The following CEP83 variants were observed in gnomAD, a reference collection of about 807,000 sequenced individuals.
CEP83 encodes the protein centrosomal protein 83, also known as centrosomal protein of 83 kDa.
Under a neutral mutation model 101.9 loss-of-function variants are expected in CEP83, and 70 were observed. The observed-to-expected ratio is 0.69, with a 90% confidence interval of 0.57 to 0.84. The LOEUF (loss-of-function observed/expected upper bound fraction) is 0.84, where lower values mean the gene tolerates loss of function less well. Ranked by LOEUF, CEP83 falls within the 40% of genes least tolerant of loss-of-function variation. The pLI, the probability that CEP83 is intolerant of heterozygous loss-of-function variation, is 0.00. For synonymous variants in CEP83, 264 were observed against 267.9 expected (o/e 0.99, Z 0.14); for missense variants, 715 against 787.2 (o/e 0.91, Z 1.10).
At chr12:94,449,038 AC>A (rs1290073516) in intron 1 of CEP83, among the ~76,000 whole-genome samples, 1 of 151,492 alleles carries the variant, frequency 6.6e-6, no homozygotes, top group African/African-American at 2.4e-5. Flanking sequence ...AAAAAAAAAA[AC>A]TTCACTATAC....
At chr12:94,285,890 C>T in the CEP83 span, among the ~76,000 whole-genome samples, 7 of 152,170 alleles carry the variant, frequency 4.6e-5, no homozygotes, top group Non-Finnish European at 7.3e-5. Context: ...CCTCCCCTGC[C>T]AGGCTTCTCA....
At chr12:94,332,223 C>T (rs1360908646) in intron 13 of CEP83, among the ~76,000 whole-genome samples, 1 of 152,172 alleles carries the variant, frequency 6.6e-6, no homozygotes. Flanking sequence ...TATCTGTCCT[C>T]ATAAATTTGG....
chr12:94,374,115 G>A (rs1198432002), intron 8 of CEP83, among the ~76,000 whole-genome samples: 8 of 152,076 alleles, frequency 5.3e-5, no homozygotes, highest in Non-Finnish European at 1.2e-4. Flanking sequence ...TTTCTTCAGC[G>A]GAGTAGGAGA....
intron 2 of CEP83, among the ~76,000 whole-genome samples, chr12:94,423,230 A>G (rs919868090): frequency 6.6e-6 from 1 of 152,100 alleles, no homozygotes; most frequent in African/African-American, 2.4e-5. Context: ...GATTACAGGC[A>G]TGTGCCAGCA....
chr12:94,356,518 G>A (rs1456628675), intron 11 of CEP83, among the ~76,000 whole-genome samples: 2 of 152,158 alleles, frequency 1.3e-5, no homozygotes, highest in Admixed American at 6.5e-5. Context: ...AGTTCTATTA[G>A]GCAGGAATTC....
intron 4 of CEP83, among the ~76,000 whole-genome samples, chr12:94,409,083 A>T (rs1159010305): frequency 6.6e-6 from 1 of 152,000 alleles, no homozygotes; most frequent in African/African-American, 2.4e-5. Context: ...CGTATATTTT[A>T]AAAATAATCA....
At chr12:94,323,495 GAC>G (rs1162726999) in intron 14 of CEP83, among the ~76,000 whole-genome samples, 1 of 152,128 alleles carries the variant, frequency 6.6e-6, no homozygotes, top group Non-Finnish European at 1.5e-5. Flanking sequence ...CCAAGTGGAT[GAC>G]TGTCCTGATT....
Position 94,334,052 on chromosome 12 carries a change from T to TA in CEP83, c.1420-414dup, listed in dbSNP as rs199716275. ...AAAGCAAGTCAGCTGGGAAAGCAGCTAAAAAAAAAAATCCATCCTCCTCTT... is the reference window on the plus strand; with the variant it reads ...AAAGCAAGTCAGCTGGGAAAGCAGCTAAAAAAAAAAAATCCATCCTCCTCTT... On this transcript the variant is annotated intron_variant, in intron 12 of 16. Transcript: ENST00000397809. 2.1e-4 allele frequency among the ~76,000 whole-genome samples: 31 copies of TA among 147,516 alleles called. No homozygotes were observed. In the South Asian group the frequency reaches 3.4e-3, roughly 16 times the overall value.
At chr12:94,389,353 A>G (rs2137347688) in intron 6 of CEP83, among the ~76,000 whole-genome samples, 1 of 152,336 alleles carries the variant, frequency 6.6e-6, no homozygotes, top group African/African-American at 2.4e-5. Flanking sequence ...TGAGGTATGA[A>G]TGATACTAAT....
the CEP83 span, among the ~76,000 whole-genome samples, chr12:94,283,909 C>T: frequency 6.6e-6 from 1 of 151,978 alleles, no homozygotes; most frequent in Admixed American, 6.6e-5. Context: ...CACGGTAAAA[C>T]GCTGTCTCTA....
intron 11 of CEP83, among the ~76,000 whole-genome samples, chr12:94,365,918 T>G (rs2061003499): frequency 6.6e-6 from 1 of 152,148 alleles, no homozygotes; most frequent in Non-Finnish European, 1.5e-5. Flanking sequence ...TGAAGCAGTT[T>G]CCAGGGTGCA....
chr12:94,378,920 T>C lies in CEP83; in HGVS notation c.672A>G (p.Leu224=). ...AREKVYLCQK[L]KGLEAEVAEL... is the part of the protein sequence containing the mutation. ...CCGCTACTTCAGCCTCTAAACCTTT[T>C]AATTTTTGACACAAATAGACTTTTT... Residue 224 remains leucine (L), a synonymous_variant, in exon 7 of 17, where the codon TTA becomes TTG. Transcript: ENST00000397809. The C allele has an allele frequency of 6.2e-7, 1 of 1,614,120 alleles. No homozygotes were observed. Among genetic ancestry groups the C allele is most frequent in the Non-Finnish European group, 8.5e-7 (1 of 1,179,994 alleles).
chr12:94,382,401 T>C (rs769982830), intron 6 of CEP83, among the ~76,000 whole-genome samples: 49 of 151,566 alleles, frequency 3.2e-4, no homozygotes, highest in Non-Finnish European at 2.2e-4. Context: ...TTTGATACTC[T>C]TTTTCTAGGT....
Position 94,411,668 on chromosome 12 carries a change from T to G in CEP83, c.324+29A>C, listed in dbSNP as rs746764168. On this transcript the variant is annotated intron_variant, in intron 4 of 16. Transcript: ENST00000397809. ...ACTACGTATCTGACTGCTTTTATAC[T>G]AACTCAAAACTCAAATATATTTTCT... The G allele has an allele frequency of 1.0e-5, 16 of 1,558,764 alleles. No homozygotes were observed. The South Asian group carries it at 1.8e-4, about 17-fold the overall frequency.
chr12:94,449,779 TAAAAAAAAA>T (rs71071787), intron 1 of CEP83, among the ~76,000 whole-genome samples: 10 of 48,568 alleles, frequency 2.1e-4, no homozygotes, highest in East Asian at 1.4e-3. Flanking sequence ...TCTCAAACAA[TAAAAAAAAA>T]AAAAAAAAAA....
rs1364599741 is a variant in CEP83 at position 94,411,729 on chromosome 12, T to C, written c.292A>G (p.Lys98Glu). 1 of 1,605,712 alleles carries C rather than the reference T, an allele frequency of 6.2e-7. No homozygotes were observed. Among genetic ancestry groups the C allele is most frequent in the Non-Finnish European group, 8.5e-7 (1 of 1,177,096 alleles). ...TTCATTTCTTCTAAATCTTTAGTTT[T>C]CTCTACTAATTCTCCTCTTAGTTCT... The part of the protein sequence containing the change: ...LEELRGELVE[K>E]TKDLEEMKLQ... The change falls in exon 4 of 17, where the codon AAA becomes GAA. Residue 98 changes from lysine (K) to glutamate (E), a missense_variant. Coordinates refer to ENST00000397809, the MANE Select transcript of CEP83 (RefSeq NM_016122.3).
chr12:94,363,386 G>A (rs527572967), intron 11 of CEP83, among the ~76,000 whole-genome samples: 1 of 152,228 alleles, frequency 6.6e-6, no homozygotes, highest in East Asian at 1.9e-4. Context: ...TTGCATTTTT[G>A]GTGGGAATTT....
chr12:94,417,316 C>T (rs2064353422), intron 2 of CEP83, among the ~76,000 whole-genome samples: 1 of 151,792 alleles, frequency 6.6e-6, no homozygotes, highest in African/African-American at 2.4e-5. Flanking sequence ...ATTCCCACCT[C>T]TTAAAAAAAA....
the CEP83 span, among the ~76,000 whole-genome samples, chr12:94,267,664 T>C: frequency 6.6e-6 from 1 of 152,220 alleles, no homozygotes; most frequent in Non-Finnish European, 1.5e-5. Context: ...CCAGCCCCCC[T>C]TTCATGGTTG....
Sources: gnomAD v4.1 joint callset for allele counts (sites outside exome capture counted in the v4.1 genomes callset) on GRCh38, gnomAD v4.1.1 for gene constraint, MANE v1.5 for transcripts, NCBI Gene and HGNC (gene_info 2026-07-23, HGNC 2026-07-21) for gene names.